The following CLCN5 variants were observed in gnomAD, a reference collection of about 807,000 sequenced individuals.
The protein encoded by CLCN5 is Cl-/H+ antiporter 5.
Under a neutral mutation model 54.0 loss-of-function variants are expected in CLCN5, and 17 were observed. That is an observed-to-expected ratio of 0.31 (90% CI 0.22 to 0.47). CLCN5 has a LOEUF of 0.47. CLCN5 is among the 20% of genes least tolerant of loss of function. The pLI, the probability that CLCN5 is intolerant of heterozygous loss-of-function variation, is 1.00. For synonymous variants in CLCN5, 222 were observed against 233.0 expected, an observed-to-expected ratio of 0.95 and a Z score of 0.43; for missense variants, 448 against 646.7, an observed-to-expected ratio of 0.69 and a Z score of 3.33.
chrX:50,000,587 T>A (rs1479647854), intron 3 of CLCN5, among the ~76,000 whole-genome samples: 2 of 111,585 alleles, frequency 1.8e-5, no homozygotes, highest in Non-Finnish European at 3.8e-5. Flanking sequence ...CACATGTGGG[T>A]ACACACAGCT....
At chrX:50,037,168 G>A (rs1287431591) in intron 3 of CLCN5, among the ~76,000 whole-genome samples, 6 of 112,050 alleles carry the variant, frequency 5.4e-5, no homozygotes, top group African/African-American at 1.9e-4. Flanking sequence ...CAATAAAAGT[G>A]TCTATTGGAG....
At chrX:50,037,621 T>C (rs1932051699) in intron 3 of CLCN5, among the ~76,000 whole-genome samples, 1 of 110,558 alleles carries the variant, frequency 9.0e-6, no homozygotes, top group African/African-American at 3.3e-5. Flanking sequence ...CAGAGAAGAG[T>C]TGAGGAAAAG....
At chrX:49,927,521 G>T (rs1324188108) in intron 3 of CLCN5, among the ~76,000 whole-genome samples, 2 of 112,269 alleles carry the variant, frequency 1.8e-5, no homozygotes, top group Non-Finnish European at 3.8e-5. Context: ...ATAGTTAAAT[G>T]TGTGGGTCTG....
chrX:50,077,245 A>T (rs1933440524), intron 7 of CLCN5, among the ~76,000 whole-genome samples: 1 of 111,035 alleles, frequency 9.0e-6, no homozygotes, highest in Non-Finnish European at 1.9e-5. Flanking sequence ...AGGGTTCAAT[A>T]AAAGGGATAG....
At chrX:49,978,798 G>A (rs1557177285) in intron 3 of CLCN5, among the ~76,000 whole-genome samples, 1 of 111,797 alleles carries the variant, frequency 8.9e-6, no homozygotes, top group African/African-American at 3.3e-5. Context: ...GTTGAGAGAG[G>A]GTAGGTTTGG....
At chrX:49,945,676 G>A (rs377656748) in intron 3 of CLCN5, among the ~76,000 whole-genome samples, 1 of 94,189 alleles carries the variant, frequency 1.1e-5, no homozygotes, top group Non-Finnish European at 2.1e-5. Flanking sequence ...GGATGGTCTC[G>A]ATCTCCTGAC....
At chrX:50,076,545 C>T (rs1229011319) in intron 7 of CLCN5, among the ~76,000 whole-genome samples, 1 of 110,728 alleles carries the variant, frequency 9.0e-6, no homozygotes, top group Non-Finnish European at 1.9e-5. Context: ...TTTCTTGAGA[C>T]AGGGTCTTTC....
chrX:50,066,030 A>G (rs1272019979), intron 4 of CLCN5, among the ~76,000 whole-genome samples: 2 of 90,199 alleles, frequency 2.2e-5, no homozygotes, highest in Non-Finnish European at 4.3e-5. Flanking sequence ...GGGGAGGGGG[A>G]AGGGATAGCA....
At chrX:50,025,300 G>A (rs1557184821) in intron 3 of CLCN5, among the ~76,000 whole-genome samples, 2 of 74,951 alleles carry the variant, frequency 2.7e-5, no homozygotes, top group East Asian at 8.7e-4. Flanking sequence ...GACCCCTTGC[G>A]CTTCCCAGGT....
chrX:50,032,254 C>T (rs1931742322), intron 3 of CLCN5, among the ~76,000 whole-genome samples: 1 of 111,862 alleles, frequency 8.9e-6, no homozygotes, highest in Non-Finnish European at 1.9e-5. Context: ...ATGGCTCGGT[C>T]AAATGGTATT....
intron 14 of CLCN5, 142 bp from the exon 15 acceptor site, chrX:50,091,987 A>G (rs1316897662): frequency 4.0e-6 from 2 of 499,906 alleles, no homozygotes; most frequent in Non-Finnish European, 7.1e-6. Context: ...CACATGTCCT[A>G]CTCCTGTGAT....
intron 4 of CLCN5, among the ~76,000 whole-genome samples, chrX:50,065,634 C>T (rs1932981125): frequency 1.2e-5 from 1 of 85,250 alleles, no homozygotes; most frequent in South Asian, 7.3e-4. Context: ...ACTAGAAATA[C>T]CATTTGACCC....
At chrX:50,003,664 TGTG>T in intron 3 of CLCN5, 1 of 300,600 alleles carries the variant, frequency 3.3e-6, no homozygotes, top group Admixed American at 3.4e-5. Context: ...CACACACCCA[TGTG>T]GTGGGAAGGA....
intron 4 of CLCN5, among the ~76,000 whole-genome samples, chrX:50,050,657 C>CTTTTTTTTTTT (rs1161956431): frequency 1.6e-5 from 1 of 61,295 alleles, no homozygotes; most frequent in African/African-American, 7.5e-5. Flanking sequence ...GTCTTCTTGG[C>CTTTTTTTTTTT]TTTTTTTTTT....
chrX:50,028,363 A>G (rs1557185328), intron 3 of CLCN5, among the ~76,000 whole-genome samples: 1 of 112,218 alleles, frequency 8.9e-6, no homozygotes, highest in Admixed American at 9.4e-5. Flanking sequence ...CACTGTAAGA[A>G]CAAGAATGTT....
chrX:50,065,180 G>T (rs1315765466), intron 4 of CLCN5, among the ~76,000 whole-genome samples: 7 of 84,059 alleles, frequency 8.3e-5, no homozygotes, highest in Non-Finnish European at 1.2e-4. Context: ...TTAAACTAAA[G>T]AGCTTCTGCA....
chrX:49,978,675 G>A (rs1557177272), intron 3 of CLCN5, among the ~76,000 whole-genome samples: 2 of 111,968 alleles, frequency 1.8e-5, no homozygotes, highest in South Asian at 3.7e-4. Flanking sequence ...CATGTTAATT[G>A]TCTCTCTTGT....
intron 4 of CLCN5, among the ~76,000 whole-genome samples, chrX:50,058,679 A>G (rs1932804987): frequency 8.9e-6 from 1 of 111,795 alleles, no homozygotes; most frequent in African/African-American, 3.2e-5. Flanking sequence ...TCCTGGACTC[A>G]GGCAATGCAA....
intron 3 of CLCN5, among the ~76,000 whole-genome samples, chrX:50,030,035 A>G (rs1457974289): frequency 2.7e-5 from 3 of 112,320 alleles, no homozygotes; most frequent in Non-Finnish European, 1.9e-5. Flanking sequence ...AAATCTACAG[A>G]TAAATTTGCC....
Sources: gnomAD v4.1 joint callset for allele counts (sites outside exome capture counted in the v4.1 genomes callset) on GRCh38, gnomAD v4.1.1 for gene constraint, MANE v1.5 for transcripts, NCBI Gene and HGNC (gene_info 2026-07-23, HGNC 2026-07-21) for gene names.